Variants in SLC25A36 observed in about 807,000 individuals in gnomAD.
SLC25A36 encodes solute carrier family 25 member 36.
A neutral mutation model predicts 35.3 loss-of-function variants in SLC25A36; 24 were observed. That is an observed-to-expected ratio of 0.68 (90% CI 0.49 to 0.96). SLC25A36 has a LOEUF of 0.96. Among genes scored for constraint, SLC25A36 ranks in the 40% least tolerant of loss-of-function variants. The probability of loss-of-function intolerance (pLI) is 0.00; values close to 1 mark genes in which losing one functional copy is unlikely to be tolerated. For missense variants in SLC25A36, 294 were observed against 381.1 expected, an observed-to-expected ratio of 0.77 and a Z score of 1.90; for synonymous variants, 141 against 132.2, an observed-to-expected ratio of 1.07 and a Z score of -0.46.
chr3:140,951,192 G>C (rs1006643153), intron 1 of SLC25A36, among the ~76,000 whole-genome samples: 9 of 151,822 alleles, frequency 5.9e-5, no homozygotes, highest in African/African-American at 2.2e-4. Flanking sequence ...GATTTCTCTG[G>C]GCCTCTCTGT....
At chr3:140,969,740 G>T (rs1007034364) in intron 4 of SLC25A36, among the ~76,000 whole-genome samples, 6 of 151,720 alleles carry the variant, frequency 4.0e-5, no homozygotes, top group Admixed American at 2.6e-4. Context: ...TTTATGATTG[G>T]ATCTGTACTA....
chr3:140,953,777 C>A (rs574041336), intron 1 of SLC25A36, among the ~76,000 whole-genome samples: 3 of 152,148 alleles, frequency 2.0e-5, no homozygotes, highest in African/African-American at 7.2e-5. Flanking sequence ...TGCAACATAG[C>A]AAGACCCTGT....
At position 140,979,932 on chromosome 3, in the gene SLC25A36, C is replaced by T. The variant is rs1319146082; in HGVS notation, c.*3479C>T. 3 of 152,178 alleles carry T rather than the reference C, an allele frequency of 2.0e-5. No homozygotes were observed. Among genetic ancestry groups the T allele is most frequent in the Non-Finnish European group, 2.9e-5 (2 of 68,042 alleles). 9.4% of individuals were successfully genotyped at this position (152,178 alleles called of 1,614,324 possible). A position where few individuals can be genotyped will look rare whatever the true frequency, so the allele number is the denominator to read the frequency against. ...CAAATTTTAAAAATTAAAATACGCT[C>T]ATGAAAATATGGCTTTTTCTGTAAT... On this transcript the variant is annotated 3_prime_UTR_variant, in exon 7 of 7. Coordinates refer to ENST00000324194, the MANE Select transcript of SLC25A36 (RefSeq NM_001104647.3).
Position 140,979,867 on chromosome 3 carries a change from CTG to C in SLC25A36, c.*3416_*3417del, listed in dbSNP as rs1445571931. The C allele has an allele frequency of 6.6e-6, 1 of 152,138 alleles. No homozygotes were observed. Among genetic ancestry groups the C allele is most frequent in the East Asian group, 1.9e-4 (1 of 5,200 alleles). The allele number at this position is 152,138 out of a possible 1,614,324, so 9.4% of individuals were successfully genotyped here. On this transcript the variant is annotated 3_prime_UTR_variant, in exon 7 of 7. Transcript: ENST00000324194. ...TGGCTGTAAATTATGTGCATTTACT[CTG>C]TATTTATGTTATCTAGCTGACTTTT...
chr3:140,947,583 T>G (rs1934201639), intron 1 of SLC25A36, among the ~76,000 whole-genome samples: 1 of 152,182 alleles, frequency 6.6e-6, no homozygotes, highest in Non-Finnish European at 1.5e-5. Context: ...TACAACTGCA[T>G]CTTGGGCTGT....
chr3:140,956,874 G>T, intron 2 of SLC25A36, 183 bp downstream of exon 2: 1 of 1,030,162 alleles, frequency 9.7e-7, no homozygotes, highest in Non-Finnish European at 1.2e-6. Context: ...AGACAGATAA[G>T]ATAAAGTGTA....
intron 1 of SLC25A36, among the ~76,000 whole-genome samples, chr3:140,947,446 A>G (rs1934197801): frequency 6.6e-6 from 1 of 152,006 alleles, no homozygotes; most frequent in South Asian, 2.1e-4. Context: ...GCTCCCAACA[A>G]AGGCCTTTTT....
chr3:140,959,160 C>A (rs2107797069), intron 2 of SLC25A36, among the ~76,000 whole-genome samples: 1 of 151,902 alleles, frequency 6.6e-6, no homozygotes, highest in East Asian at 1.9e-4. Flanking sequence ...TGATTACAGG[C>A]ATGCACCACC....
chr3:140,975,168 C>A (rs1935010400), intron 6 of SLC25A36, among the ~76,000 whole-genome samples: 1 of 122,586 alleles, frequency 8.2e-6, no homozygotes, highest in Non-Finnish European at 1.6e-5. Context: ...AGTGCAGTCA[C>A]ATGATCATAG....
chr3:140,943,089 G>C (rs1445554320), intron 1 of SLC25A36, among the ~76,000 whole-genome samples: 1 of 152,132 alleles, frequency 6.6e-6, no homozygotes, highest in Non-Finnish European at 1.5e-5. Flanking sequence ...GTTTAGATTT[G>C]CTCCTTCTAA....
rs1396584160 is a variant in SLC25A36, at chr3:140,941,872, T to C, written c.-183T>C. 5 of 479,420 alleles carry C rather than the reference T, an allele frequency of 1.0e-5. No homozygotes were observed. The highest frequency in any genetic ancestry group is 8.5e-5 in the Admixed American group (2 of 23,650). The allele number at this position is 479,420 out of a possible 1,614,324, so 29.7% of individuals were successfully genotyped here. The stretch of plus-strand genomic sequence containing the variant: ...AAGGGCGGCGCGCTTAGGCAGGCGG[T>C]GGCGCGGCTGGAGTGCCGCGGGGAG... On this transcript the variant is annotated 5_prime_UTR_variant, in exon 1 of 7. Coordinates refer to ENST00000324194, the MANE Select transcript of SLC25A36 (RefSeq NM_001104647.3).
intron 5 of SLC25A36, 141 bp downstream of exon 5, chr3:140,971,134 A>G (rs1318382850): frequency 4.2e-5 from 23 of 550,292 alleles, no homozygotes; most frequent in Non-Finnish European, 6.7e-5. Flanking sequence ...CAGAAAAAAG[A>G]TAATGTAAGA....
chr3:140,978,340 A>G lies in SLC25A36; in HGVS notation c.*1887A>G, dbSNP rs182041842. The G allele has an allele frequency of 6.2e-4, 94 of 152,306 alleles. No individual in the cohort carries two copies. Among genetic ancestry groups the G allele is most frequent in the African/African-American group, 2.2e-3 (93 of 41,566 alleles). The allele number at this position is 152,306 out of a possible 1,614,324, so 9.4% of individuals were successfully genotyped here. A position where few individuals can be genotyped will look rare whatever the true frequency, so the allele number is the denominator to read the frequency against. On this transcript the variant is annotated 3_prime_UTR_variant, in exon 7 of 7. Coordinates refer to ENST00000324194, the MANE Select transcript of SLC25A36 (RefSeq NM_001104647.3). The stretch of plus-strand genomic sequence containing the variant: ...ACGTACCAAAAACCGGTTTGTAACA[A>G]ATCTGTAGAGAAGGTCTGAATCTAT...
At position 140,941,989 on chromosome 3, in the gene SLC25A36, G is replaced by A. The variant is rs1934011786; in HGVS notation, c.-66G>A. ...GCGTCTCCAGTCCGGGACCGAAGCC[G>A]CCTGCCGTAGCGGGCGGCCAGATCC... is the stretch of plus-strand genomic sequence containing the variant. On this transcript the variant is annotated 5_prime_UTR_variant, in exon 1 of 7. Transcript: ENST00000324194. 3.4e-6 allele frequency: 3 copies of A among 870,758 alleles called. No homozygotes were observed. The highest frequency in any genetic ancestry group is 3.5e-5 in the African/African-American group (2 of 57,144). The allele number at this position is 870,758 out of a possible 1,614,324, so 53.9% of individuals were successfully genotyped here. A position where few individuals can be genotyped will look rare whatever the true frequency, so the allele number is the denominator to read the frequency against.
chr3:140,964,583 G>T (rs1934713001), intron 4 of SLC25A36: 1 of 151,838 alleles, frequency 6.6e-6, no homozygotes, highest in African/African-American at 2.4e-5. Context: ...CTACGAATTT[G>T]GATGTAAGGT....
intron 1 of SLC25A36, among the ~76,000 whole-genome samples, chr3:140,955,247 A>G (rs1000232211): frequency 1.3e-5 from 2 of 151,852 alleles, no homozygotes; most frequent in Admixed American, 1.3e-4. Flanking sequence ...TCCTTTATAT[A>G]TATGTGTGTG....
At chr3:140,958,322 A>G (rs1934532837) in intron 2 of SLC25A36, among the ~76,000 whole-genome samples, 1 of 152,166 alleles carries the variant, frequency 6.6e-6, no homozygotes, top group Non-Finnish European at 1.5e-5. Context: ...TACTCCAGGA[A>G]AGTCTTCTGT....
In SLC25A36 at chr3:140,951,960, A is replaced by G. The variant is rs560248994; in HGVS notation, c.42-4567A>G. ...GTGATCCTCTTACCTTGACCTCCCA[A>G]GTAGCTGGGATTACAGGCATGTGCC... On this transcript the variant is annotated intron_variant, in intron 1 of 6. Transcript: ENST00000324194. Among the ~76,000 whole-genome samples, 9 of 151,600 alleles carry G rather than the reference A, an allele frequency of 5.9e-5. No individual in the cohort carries two copies. The East Asian group carries it at 7.8e-4, about 13-fold the overall frequency.
intron 2 of SLC25A36, 44 bp from the exon 3 acceptor site, chr3:140,959,419 A>C (rs750378121): frequency 9.7e-7 from 1 of 1,033,472 alleles, no homozygotes; most frequent in South Asian, 1.7e-5. Context: ...AAAGTACCAG[A>C]CTTTGAAAGA....
Sources: gnomAD v4.1 joint callset for allele counts (sites outside exome capture counted in the v4.1 genomes callset) on GRCh38, gnomAD v4.1.1 for gene constraint, MANE v1.5 for transcripts, NCBI Gene and HGNC (gene_info 2026-07-23, HGNC 2026-07-21) for gene names.